XRRA1: variants seen among roughly 807,000 people sequenced by gnomAD.
XRRA1 encodes X-ray radiation resistance-associated protein 1.
Under a neutral mutation model 80.2 loss-of-function variants are expected in XRRA1, and 69 were observed. That is an observed-to-expected ratio of 0.86 (90% confidence interval 0.71 to 1.05). The LOEUF (loss-of-function observed/expected upper bound fraction) is 1.05. Among genes scored for constraint, XRRA1 ranks in the 50% least tolerant of loss-of-function variants. The pLI, the probability that XRRA1 is intolerant of heterozygous loss-of-function variation, is 0.00. For missense variants in XRRA1, 967 were observed against 976.4 expected (o/e 0.99, Z 0.13); for synonymous variants, 348 against 389.9 (o/e 0.89, Z 1.27).
intron 10 of XRRA1, among the ~76,000 whole-genome samples, chr11:74,871,048 A>G (rs755874421): frequency 3.3e-5 from 5 of 152,008 alleles, no homozygotes; most frequent in Admixed American, 6.6e-5. Context: ...AACCCAGTAC[A>G]CTCTCTCCAT....
chr11:74,886,183 T>C (rs911558439), intron 10 of XRRA1, among the ~76,000 whole-genome samples: 1 of 152,128 alleles, frequency 6.6e-6, no homozygotes, highest in African/African-American at 2.4e-5. Flanking sequence ...ACCACTCCTA[T>C]TTGATATAGC....
intron 10 of XRRA1, among the ~76,000 whole-genome samples, chr11:74,875,544 C>G (rs1441893220): frequency 6.6e-6 from 1 of 152,122 alleles, no homozygotes; most frequent in Non-Finnish European, 1.5e-5. Context: ...AACTTAATAA[C>G]AGTCAAGCAG....
At chr11:74,867,936 T>TTTTC (rs1555033307) in intron 10 of XRRA1, among the ~76,000 whole-genome samples, 1 of 150,336 alleles carries the variant, frequency 6.7e-6, no homozygotes. Context: ...TTTTTTTTTT[T>TTTTC]CTGAGACAGA....
chr11:74,851,216 T>A lies in XRRA1; in HGVS notation c.1265-13A>T. ...AGTGGAGGGACCCCTGGTGCCATGA[T>A]GGGAAAATAAGATTACTATTAGCTA... On this transcript the variant is annotated splice_polypyrimidine_tract_variant and intron_variant, in intron 13 of 18. Transcript: ENST00000684022. 1 of 1,592,978 alleles carries A rather than the reference T, an allele frequency of 6.3e-7. No homozygotes were observed. Among genetic ancestry groups the A allele is most frequent in the South Asian group, 1.1e-5 (1 of 88,708 alleles).
chr11:74,844,335 G>C, intron 16 of XRRA1, 52 bp from the exon 17 acceptor site: 1 of 1,359,674 alleles, frequency 7.4e-7, no homozygotes, highest in East Asian at 2.3e-5. Flanking sequence ...CCTCCTCCCA[G>C]ATGCCTCCCC....
At position 74,843,968 on chromosome 11, in the gene XRRA1, A is replaced by C; in HGVS notation, c.2044-9T>G. 3.1e-6 allele frequency: 5 copies of C among 1,610,210 alleles called. No homozygotes were observed. The highest frequency in any genetic ancestry group is 4.2e-6 in the Non-Finnish European group (5 of 1,177,152). On this transcript the variant is annotated splice_polypyrimidine_tract_variant and intron_variant, in intron 17 of 18. Transcript: ENST00000684022. ...ATCGGGATTCTCTGGGCCTGGCAGA[A>C]GGTCATGGAGGAGGGTGTTATCCCA...
intron 10 of XRRA1, among the ~76,000 whole-genome samples, chr11:74,868,022 A>G (rs775416768): frequency 2.0e-5 from 3 of 148,470 alleles, no homozygotes; most frequent in Admixed American, 6.9e-5. Context: ...CCCAGGTTCA[A>G]GTGATTCTCA....
chr11:74,946,138 T>C (rs1290305772), intron 1 of XRRA1, among the ~76,000 whole-genome samples: 1 of 152,064 alleles, frequency 6.6e-6, no homozygotes, highest in Non-Finnish European at 1.5e-5. Context: ...AATTTCTATA[T>C]TTTTGATAGA....
At chr11:74,845,601 G>A (rs2037880458) in intron 15 of XRRA1, among the ~76,000 whole-genome samples, 1 of 152,204 alleles carries the variant, frequency 6.6e-6, no homozygotes, top group Admixed American at 6.5e-5. Flanking sequence ...TGCAAGTGAT[G>A]AGAAAGAATG....
intron 2 of XRRA1, among the ~76,000 whole-genome samples, chr11:74,941,331 A>G (rs1033913587): frequency 1.3e-5 from 2 of 152,222 alleles, no homozygotes; most frequent in African/African-American, 4.8e-5. Flanking sequence ...TTGTTTTAAC[A>G]GAGTTCAGAG....
intron 5 of XRRA1, chr11:74,931,788 C>T (rs1405645965): frequency 6.6e-6 from 1 of 152,164 alleles, no homozygotes; most frequent in Non-Finnish European, 1.5e-5. Flanking sequence ...ATGATATGCT[C>T]CTATCAAGCT....
chr11:74,896,217 C>G (rs11605604), intron 10 of XRRA1, among the ~76,000 whole-genome samples: 66,831 of 152,178 alleles, frequency 0.44, 15,152 homozygotes, highest in Middle Eastern at 0.53. Context: ...CAACAAGCAG[C>G]CTCTTAAGGT....
rs951952709 is a variant in XRRA1, at chr11:74,885,018, A to C, written c.1003+21221T>G. On this transcript the variant is annotated intron_variant, in intron 10 of 18. Transcript: ENST00000684022. ...GTGGCTAATGCCTGTAATCCCAGCA[A>C]TTTGGGAGGCTGAGGTGGGATGGTT... Among the ~76,000 whole-genome samples, 7 of 152,198 alleles carry C rather than the reference A, an allele frequency of 4.6e-5. No individual in the cohort carries two copies. The East Asian group carries it at 1.4e-3, about 29-fold the overall frequency.
chr11:74,946,470 C>T (rs535123398), intron 1 of XRRA1, among the ~76,000 whole-genome samples: 3 of 152,328 alleles, frequency 2.0e-5, no homozygotes, highest in Non-Finnish European at 2.9e-5. Context: ...CACTCTTGCC[C>T]TCTCTTGCCT....
intron 7 of XRRA1, among the ~76,000 whole-genome samples, chr11:74,922,851 C>A (rs987705196): frequency 2.0e-5 from 3 of 152,102 alleles, no homozygotes; most frequent in South Asian, 4.1e-4. Context: ...GTAGATAAAG[C>A]CTTTATACTG....
intron 10 of XRRA1, among the ~76,000 whole-genome samples, chr11:74,895,256 C>T (rs921818301): frequency 1.3e-5 from 2 of 152,178 alleles, no homozygotes; most frequent in Admixed American, 6.5e-5. Context: ...GTGCATTTTG[C>T]GGATGGAGAG....
intron 10 of XRRA1, among the ~76,000 whole-genome samples, chr11:74,896,194 C>G (rs1316986646): frequency 6.6e-6 from 1 of 152,198 alleles, no homozygotes; most frequent in Non-Finnish European, 1.5e-5. Context: ...GGCTCGGCCA[C>G]AGTAAGGTAA....
chr11:74,883,191 A>G (rs1289467310), intron 10 of XRRA1, among the ~76,000 whole-genome samples: 1 of 152,226 alleles, frequency 6.6e-6, no homozygotes, highest in East Asian at 1.9e-4. Context: ...CCTCCGAGCC[A>G]GGTGCAGGAT....
chr11:74,936,936 CGA>C lies in XRRA1; in HGVS notation c.225_226del (p.Arg76AlafsTer33). ...AGGAAGGTCCACCTGATTTTCCCGC[CGA>C]GACTCTTTCTTCCCCTTGAACTCAA... On this transcript the variant is annotated frameshift_variant, in exon 4 of 19. Transcript: ENST00000684022. LOFTEE classifies it high-confidence loss of function. 1.9e-6 allele frequency: 3 copies of C among 1,613,812 alleles called. No individual in the cohort carries two copies. Among genetic ancestry groups the C allele is most frequent in the Non-Finnish European group, 2.5e-6 (3 of 1,179,850 alleles).
Sources: allele counts gnomAD v4.1 joint callset (sites outside exome capture counted in the v4.1 genomes callset), GRCh38; gene constraint gnomAD v4.1.1; transcripts MANE v1.5; gene names NCBI Gene and HGNC (gene_info 2026-07-23, HGNC 2026-07-21).